SAMMSON: variants seen among roughly 807,000 people sequenced by gnomAD.
SAMMSON encodes long intergenic non-protein coding RNA 1212.
At chr3:70,290,652 C>T (rs2106692352) in intron 6 of SAMMSON, among the ~76,000 whole-genome samples, 1 of 152,338 alleles carries the variant, frequency 6.6e-6, no homozygotes, top group South Asian at 2.1e-4. Context: ...GGCGCCCCTC[C>T]CCTAGCCTCG....
chr3:70,215,909 C>T (rs1276611504), intron 4 of SAMMSON, among the ~76,000 whole-genome samples: 6 of 152,122 alleles, frequency 3.9e-5, no homozygotes, highest in African/African-American at 1.4e-4. Context: ...TCTCTGTAGA[C>T]TAACTGATCC....
intron 7 of SAMMSON, among the ~76,000 whole-genome samples, chr3:70,337,843 C>G (rs1408811359): frequency 2.0e-5 from 3 of 151,762 alleles, no homozygotes; most frequent in Non-Finnish European, 2.9e-5. Flanking sequence ...TATATTTTCT[C>G]TACTGATCAC....
intron 4 of SAMMSON, among the ~76,000 whole-genome samples, chr3:70,209,185 A>G (rs1171455161): frequency 6.6e-6 from 1 of 152,138 alleles, no homozygotes; most frequent in Non-Finnish European, 1.5e-5. Context: ...TAAGAACAGC[A>G]TCAATATTTT....
intron 4 of SAMMSON, among the ~76,000 whole-genome samples, chr3:70,116,424 T>A (rs74819452): frequency 0.029 from 4,472 of 151,908 alleles, 158 homozygotes; most frequent in East Asian, 0.19. Flanking sequence ...CAGTAAATGA[T>A]CTATTTATTT....
intron 4 of SAMMSON, among the ~76,000 whole-genome samples, chr3:70,095,301 G>A (rs1438354194): frequency 6.6e-6 from 1 of 152,170 alleles, no homozygotes; most frequent in Non-Finnish European, 1.5e-5. Context: ...CCATGGCTGT[G>A]TTTTTAAGCT....
rs117782877 is a variant in SAMMSON, at chr3:70,351,341, G to A, written n.740-2834G>A. 8.3e-4 allele frequency among the ~76,000 whole-genome samples: 126 copies of A among 152,244 alleles called. 3 individuals are homozygous for A. The East Asian group carries it at 0.023, about 27-fold the overall frequency. On this transcript the variant is annotated intron_variant and non_coding_transcript_variant, in intron 7 of 9. Transcript: ENST00000642114. Reference sequence around the variant, plus strand: ...CTTTAATAAGTATTGGTGGGGAGAAGTGTGGGATTTTTGCAAGGTTCTATA... The same window carrying A: ...CTTTAATAAGTATTGGTGGGGAGAAATGTGGGATTTTTGCAAGGTTCTATA...
intron 2 of SAMMSON, among the ~76,000 whole-genome samples, chr3:70,406,875 C>T (rs977023587): frequency 2.0e-5 from 3 of 152,054 alleles, no homozygotes; most frequent in Admixed American, 6.6e-5. Context: ...AAACATTAAA[C>T]GTAAATAATC....
chr3:70,228,505 C>G (rs1431477500), intron 4 of SAMMSON, among the ~76,000 whole-genome samples: 1 of 151,748 alleles, frequency 6.6e-6, no homozygotes, highest in Non-Finnish European at 1.5e-5. Context: ...GGAGAAGGAC[C>G]CCTGTTATAG....
At chr3:70,335,012 G>T (rs775363700) in intron 7 of SAMMSON, among the ~76,000 whole-genome samples, 1 of 147,432 alleles carries the variant, frequency 6.8e-6, no homozygotes, top group Non-Finnish European at 1.5e-5. Flanking sequence ...TTGCTTCCAG[G>T]TTGTCCTGGA....
intron 4 of SAMMSON, among the ~76,000 whole-genome samples, chr3:70,198,984 A>G (rs1332260066): frequency 6.6e-6 from 1 of 152,240 alleles, no homozygotes; most frequent in Admixed American, 6.5e-5. Context: ...AGTTTTACCA[A>G]TATGAAGACC....
chr3:70,053,620 A>G (rs73104082), intron 3 of SAMMSON, among the ~76,000 whole-genome samples: 24,872 of 152,136 alleles, frequency 0.16, 2,874 homozygotes, highest in East Asian at 0.53. Flanking sequence ...TTATGCACTC[A>G]GTTTTTCTGT....
intron 4 of SAMMSON, among the ~76,000 whole-genome samples, chr3:70,132,101 C>G (rs1052434548): frequency 6.6e-6 from 1 of 152,148 alleles, no homozygotes; most frequent in African/African-American, 2.4e-5. Context: ...CCCTCCCTCA[C>G]TAAACACCGT....
intron 7 of SAMMSON, among the ~76,000 whole-genome samples, chr3:70,333,707 G>A (rs568928436): frequency 1.4e-4 from 21 of 152,188 alleles, no homozygotes; most frequent in Non-Finnish European, 2.6e-4. Flanking sequence ...ATTACCTTAC[G>A]TATTGCTGCT....
At chr3:70,360,458 T>A (rs1438088255) in intron 9 of SAMMSON, among the ~76,000 whole-genome samples, 1 of 152,140 alleles carries the variant, frequency 6.6e-6, no homozygotes, top group Non-Finnish European at 1.5e-5. Flanking sequence ...CTGTTATATG[T>A]TTTAAACTGA....
At chr3:70,227,680 C>T (rs1198719734) in intron 4 of SAMMSON, among the ~76,000 whole-genome samples, 2 of 152,192 alleles carry the variant, frequency 1.3e-5, no homozygotes, top group Admixed American at 6.5e-5. Flanking sequence ...TTTCTACAGG[C>T]TTTTGAGATG....
At chr3:70,227,967 T>C (rs564547329) in intron 4 of SAMMSON, among the ~76,000 whole-genome samples, 1 of 151,838 alleles carries the variant, frequency 6.6e-6, no homozygotes, top group South Asian at 2.1e-4. Flanking sequence ...ATAACATTCA[T>C]AGTAAGTATA....
At chr3:70,331,165 A>G (rs1478331990) in intron 7 of SAMMSON, among the ~76,000 whole-genome samples, 1 of 152,040 alleles carries the variant, frequency 6.6e-6, no homozygotes, top group Non-Finnish European at 1.5e-5. Flanking sequence ...ATCTCATCCT[A>G]TTTTTCAGAA....
At chr3:70,212,374 C>A (rs1701360071) in intron 4 of SAMMSON, among the ~76,000 whole-genome samples, 1 of 152,120 alleles carries the variant, frequency 6.6e-6, no homozygotes, top group Non-Finnish European at 1.5e-5. Context: ...ACTGGAATAA[C>A]TCTGGCTATC....
chr3:70,276,489 T>G (rs1021986559), intron 6 of SAMMSON, among the ~76,000 whole-genome samples: 1 of 152,210 alleles, frequency 6.6e-6, no homozygotes, highest in African/African-American at 2.4e-5. Flanking sequence ...GGCTGTCCAG[T>G]GAATTATACG....
Sources: allele counts gnomAD v4.1 joint callset (sites outside exome capture counted in the v4.1 genomes callset), GRCh38; gene constraint gnomAD v4.1.1; transcripts MANE v1.5; gene names NCBI Gene and HGNC (gene_info 2026-07-23, HGNC 2026-07-21).